The following EBF1 variants were observed in gnomAD, a reference collection of about 807,000 sequenced individuals.
EBF1 encodes the protein transcription factor COE1.
EBF1 carries 10 observed loss-of-function variants against 68.4 expected under a neutral mutation model. That is an observed-to-expected ratio of 0.15 (90% CI 0.09 to 0.25). EBF1 has a LOEUF of 0.25. EBF1 is among the 10% of genes least tolerant of loss of function. The probability of loss-of-function intolerance (pLI) is 1.00; values close to 1 mark genes in which losing one functional copy is unlikely to be tolerated. For synonymous variants in EBF1, 298 were observed against 299.8 expected, an observed-to-expected ratio of 0.99 and a Z score of 0.06; for missense variants, 509 against 794.4, an observed-to-expected ratio of 0.64 and a Z score of 4.32.
chr5:158,941,645 C>A lies in EBF1; in HGVS notation c.555-101535G>T, dbSNP rs117099160. Among the ~76,000 whole-genome samples, 5 of 152,322 alleles carry A rather than the reference C, an allele frequency of 3.3e-5. No homozygotes were observed. The East Asian group carries it at 7.7e-4, about 24-fold the overall frequency. The stretch of plus-strand genomic sequence containing the variant: ...TATTTGGTTGCTATATATCTTGGAA[C>A]AAAGCCTTGGTATAGTGGGGGTGTG... On this transcript the variant is annotated intron_variant, in intron 6 of 15. Coordinates refer to ENST00000313708, the MANE Select transcript of EBF1 (RefSeq NM_024007.5).
intron 6 of EBF1, among the ~76,000 whole-genome samples, chr5:158,959,029 A>T (rs1223589009): frequency 6.6e-6 from 1 of 152,222 alleles, no homozygotes; most frequent in Non-Finnish European, 1.5e-5. Flanking sequence ...TTTGTGCATC[A>T]TATCAAGGTA....
intron 7 of EBF1, among the ~76,000 whole-genome samples, chr5:158,828,817 A>G (rs1786801538): frequency 6.6e-6 from 1 of 152,230 alleles, no homozygotes. Flanking sequence ...TGGAAAAACA[A>G]ACTGGTAATC....
Position 158,699,034 on chromosome 5 carries a change from C to A in EBF1, c.*77G>T. 2 of 1,396,638 alleles carry A rather than the reference C, an allele frequency of 1.4e-6. No homozygotes were observed. Among genetic ancestry groups the A allele is most frequent in the South Asian group, 1.5e-5 (1 of 68,942 alleles). 86.5% of individuals were successfully genotyped at this position (1,396,638 alleles called of 1,614,324 possible). On this transcript the variant is annotated 3_prime_UTR_variant, in exon 16 of 16. Transcript: ENST00000313708. The stretch of plus-strand genomic sequence containing the variant: ...AAAAAGGCCTGAGTTAAAAGTTCCA[C>A]TCTGGGACTTGTATCAGATTACTCT...
intron 6 of EBF1, among the ~76,000 whole-genome samples, chr5:158,960,446 T>C (rs1817952806): frequency 6.6e-6 from 1 of 152,100 alleles, no homozygotes; most frequent in South Asian, 2.1e-4. Flanking sequence ...AAGACATTGT[T>C]AAGCACAAAG....
At position 158,737,384 on chromosome 5, in the gene EBF1, T is replaced by C. The variant is rs945846119; in HGVS notation, c.1037-6227A>G. ...CTGCAAACTCCGCCTCCCGGGTTCA[T>C]GCCATTCTCCTGCCTCAGCCTTCCG... On this transcript the variant is annotated intron_variant, in intron 10 of 15. Transcript: ENST00000313708. 1.6e-4 allele frequency among the ~76,000 whole-genome samples: 23 copies of C among 142,886 alleles called. 1 individual carries two copies. Among genetic ancestry groups the C allele is most frequent in the African/African-American group, 4.7e-4 (18 of 38,514 alleles). The allele number at this position is 142,886 out of a possible 152,430, so 93.7% of individuals were successfully genotyped here. A position where few individuals can be genotyped will look rare whatever the true frequency, so the allele number is the denominator to read the frequency against.
At chr5:158,979,225 C>T (rs1454519473) in intron 6 of EBF1, among the ~76,000 whole-genome samples, 6 of 152,116 alleles carry the variant, frequency 3.9e-5, no homozygotes, top group African/African-American at 7.2e-5. Context: ...AGAATTTCTG[C>T]GACATGCTTT....
intron 6 of EBF1, among the ~76,000 whole-genome samples, chr5:158,944,879 G>T (rs1363349820): frequency 1.3e-5 from 2 of 152,194 alleles, no homozygotes; most frequent in African/African-American, 2.4e-5. Flanking sequence ...TTAGAAAAAT[G>T]ACTGTTCATT....
chr5:158,767,632 T>C (rs1261362033), intron 10 of EBF1, among the ~76,000 whole-genome samples: 1 of 99,766 alleles, frequency 1.0e-5, no homozygotes, highest in African/African-American at 4.0e-5. Context: ...GGGGTGGGGG[T>C]GGGGATTGCT....
intron 6 of EBF1, among the ~76,000 whole-genome samples, chr5:159,024,669 T>C (rs1767361144): frequency 1.3e-5 from 2 of 152,200 alleles, no homozygotes; most frequent in Non-Finnish European, 1.5e-5. Context: ...CCTCAACTTC[T>C]CAAAAGAGTA....
At chr5:158,944,867 C>G (rs1814303444) in intron 6 of EBF1, among the ~76,000 whole-genome samples, 2 of 152,160 alleles carry the variant, frequency 1.3e-5, no homozygotes, top group Admixed American at 1.3e-4. Flanking sequence ...TAAAAGTCTT[C>G]TTTAGAAAAA....
chr5:158,826,523 T>C (rs1479272107), intron 7 of EBF1, among the ~76,000 whole-genome samples: 1 of 152,234 alleles, frequency 6.6e-6, no homozygotes, highest in East Asian at 1.9e-4. Flanking sequence ...TGCACTTGAT[T>C]CTTGAAGATG....
intron 6 of EBF1, among the ~76,000 whole-genome samples, chr5:158,928,738 C>A (rs1021420716): frequency 6.6e-6 from 1 of 152,148 alleles, no homozygotes; most frequent in African/African-American, 2.4e-5. Context: ...ATTAAGTTTT[C>A]ATTTCGTTTA....
chr5:158,813,679 C>T (rs1783139772), intron 8 of EBF1, among the ~76,000 whole-genome samples: 1 of 152,160 alleles, frequency 6.6e-6, no homozygotes, highest in Non-Finnish European at 1.5e-5. Flanking sequence ...TTCCAAGACC[C>T]ACCTTAATTG....
At chr5:159,063,777 A>G (rs893456517) in intron 6 of EBF1, among the ~76,000 whole-genome samples, 1 of 152,232 alleles carries the variant, frequency 6.6e-6, no homozygotes, top group Non-Finnish European at 1.5e-5. Flanking sequence ...ATGAAAATCC[A>G]CATGGAATAT....
At position 158,873,916 on chromosome 5, in the gene EBF1, C is replaced by A. The variant is rs149217326; in HGVS notation, c.555-33806G>T. ...TATGCAGATCAACAGTGAGAAGCTG[C>A]GAGTTGGCTAATATAGGTATGGGAA... On this transcript the variant is annotated intron_variant, in intron 6 of 15. Coordinates refer to ENST00000313708, the MANE Select transcript of EBF1 (RefSeq NM_024007.5). Among the ~76,000 whole-genome samples the A allele has an allele frequency of 7.1e-3, 1,079 of 152,212 alleles. 10 individuals carry two copies. Among genetic ancestry groups the A allele is most frequent in the Middle Eastern group, 0.014 (4 of 294 alleles).
At chr5:158,858,769 C>A (rs1794494852) in intron 6 of EBF1, among the ~76,000 whole-genome samples, 1 of 152,184 alleles carries the variant, frequency 6.6e-6, no homozygotes, top group Non-Finnish European at 1.5e-5. Flanking sequence ...AGGCAGCCTG[C>A]TCCAGAAGAT....
chr5:159,018,796 C>T (rs148376035), intron 6 of EBF1, among the ~76,000 whole-genome samples: 15 of 152,310 alleles, frequency 9.8e-5, no homozygotes, highest in Non-Finnish European at 1.9e-4. Flanking sequence ...CCCCAAATCA[C>T]GTAGCTAGTA....
chr5:158,730,008 G>A (rs1403308082), intron 11 of EBF1, among the ~76,000 whole-genome samples: 2 of 152,236 alleles, frequency 1.3e-5, no homozygotes, highest in Admixed American at 6.5e-5. Context: ...GATACTCCAA[G>A]GAGGTTCACC....
At chr5:158,932,501 A>G (rs1583271290) in intron 6 of EBF1, among the ~76,000 whole-genome samples, 1 of 152,354 alleles carries the variant, frequency 6.6e-6, no homozygotes, top group Non-Finnish European at 1.5e-5. Flanking sequence ...GAGGGAAGAT[A>G]AAGTGAAAGG....
Sources: allele counts gnomAD v4.1 joint callset (sites outside exome capture counted in the v4.1 genomes callset), GRCh38; gene constraint gnomAD v4.1.1; transcripts MANE v1.5; gene names NCBI Gene and HGNC (gene_info 2026-07-23, HGNC 2026-07-21).